The following NPC2 variants were observed in gnomAD, a reference collection of about 807,000 sequenced individuals.
The protein encoded by NPC2 is Niemann-Pick disease type C2 protein.
A neutral mutation model predicts 17.0 loss-of-function variants in NPC2; 14 were observed. That is an observed-to-expected ratio of 0.82 (90% confidence interval 0.54 to 1.29). NPC2 has a LOEUF of 1.29. Ranked by LOEUF, NPC2 falls within the 50% of genes most tolerant of loss-of-function variation. The pLI, the probability that NPC2 is intolerant of heterozygous loss-of-function variation, is 0.00. For missense variants in NPC2, 167 were observed against 183.4 expected (o/e 0.91, Z 0.52); for synonymous variants, 75 against 69.3 (o/e 1.08, Z -0.41).
rs1415314017 is a variant in NPC2, at chr14:74,493,104, G to A, written c.82+89C>T. Reference sequence around the variant, plus strand: ...CTCAGCCTGGCCGCCCGAGGGATCCGCCCAGCCCAGCCCCAGGGGTCTCAG... The same window carrying A: ...CTCAGCCTGGCCGCCCGAGGGATCCACCCAGCCCAGCCCCAGGGGTCTCAG... On this transcript the variant is annotated intron_variant, in intron 1 of 4. Coordinates refer to ENST00000555619, the MANE Select transcript of NPC2 (RefSeq NM_006432.5). This position sits in a 1 kb window ranked among gnomAD's most constrained non-coding sequence, Gnocchi z 4.1. The A allele has an allele frequency of 2.0e-6, 3 of 1,497,688 alleles. No homozygotes were observed. Among genetic ancestry groups the A allele is most frequent in the East Asian group, 2.5e-5 (1 of 40,656 alleles). 92.8% of individuals were successfully genotyped at this position (1,497,688 alleles called of 1,614,324 possible).
intron 1 of NPC2, among the ~76,000 whole-genome samples, chr14:74,492,816 AG>A (rs1166073319): frequency 6.6e-6 from 1 of 152,228 alleles, no homozygotes; most frequent in Non-Finnish European, 1.5e-5. Context: ...AGGAGTTGGA[AG>A]GGGGAGGCGG....
intron 2 of NPC2, 141 bp from the exon 3 acceptor site, chr14:74,484,728 C>A (rs1364907656): frequency 4.0e-5 from 13 of 323,972 alleles, no homozygotes; most frequent in East Asian, 2.4e-4. Flanking sequence ...TAGCACAGTG[C>A]AAGCATTCAC....
At chr14:74,480,497 C>CTTTT (rs373421076) in intron 4 of NPC2, 38 of 696,176 alleles carry the variant, frequency 5.5e-5, no homozygotes, top group Non-Finnish European at 2.6e-6. Flanking sequence ...TTCCTTCAAC[C>CTTTT]TTTTTTTTTT....
chr14:74,479,979 G>C lies in NPC2; in HGVS notation c.*295C>G, dbSNP rs113587712. On this transcript the variant is annotated 3_prime_UTR_variant, in exon 5 of 5. Transcript: ENST00000555619. ...CAAACGAGTTTTTATTTATTCAAGA[G>C]TAAATTTCCAGGTGTAGAAAGAGGC... 0.011 allele frequency: 15,581 copies of C among 1,363,896 alleles called. 107 individuals carry two copies. The highest frequency in any genetic ancestry group is 0.013 in the Non-Finnish European group (14,161 of 1,056,212). The allele number at this position is 1,363,896 out of a possible 1,614,324, so 84.5% of individuals were successfully genotyped here.
At chr14:74,493,387 T>C, upstream of NPC2, 1 of 1,547,430 alleles carries the variant, frequency 6.5e-7, no homozygotes, top group Middle Eastern at 2.1e-4. The surrounding 1 kb of genome is among the most constrained non-coding windows in gnomAD (Gnocchi z 4.1). Flanking sequence ...CTGTCACCAG[T>C]AACCACAGCT....
chr14:74,491,570 C>T (rs1261817291), intron 1 of NPC2, among the ~76,000 whole-genome samples: 1 of 152,192 alleles, frequency 6.6e-6, no homozygotes, highest in African/African-American at 2.4e-5. Context: ...TTGCTTTTGT[C>T]TCAACATGAA....
intron 1 of NPC2, among the ~76,000 whole-genome samples, chr14:74,486,735 G>T (rs2086716506): frequency 6.6e-6 from 1 of 152,126 alleles, no homozygotes; most frequent in African/African-American, 2.4e-5. Context: ...ATCCATAAAT[G>T]ATCATATTAA....
intron 1 of NPC2, among the ~76,000 whole-genome samples, chr14:74,489,562 G>A (rs1252562976): frequency 3.3e-5 from 5 of 152,058 alleles, no homozygotes; most frequent in African/African-American, 1.2e-4. Context: ...GTCTGTGTGT[G>A]TATGTATGTA....
At chr14:74,488,498 G>A (rs2086737092) in intron 1 of NPC2, among the ~76,000 whole-genome samples, 1 of 152,208 alleles carries the variant, frequency 6.6e-6, no homozygotes, top group African/African-American at 2.4e-5. Flanking sequence ...GGTGGATCAA[G>A]AGGTTAAGAG....
chr14:74,483,563 T>C (rs2086677041), intron 3 of NPC2: 1 of 1,379,984 alleles, frequency 7.2e-7, no homozygotes, highest in Admixed American at 2.7e-5. Context: ...AACTATTGCC[T>C]AATTGGAAAG....
At chr14:74,487,786 T>G (rs186571934) in intron 1 of NPC2, among the ~76,000 whole-genome samples, 47 of 152,352 alleles carry the variant, frequency 3.1e-4, no homozygotes, top group Non-Finnish European at 1.8e-4. Context: ...AGTTCCTGAA[T>G]CATTCATTTT....
At position 74,484,545 on chromosome 14, in the gene NPC2, A is replaced by G. The variant is rs747302449; in HGVS notation, c.233T>C (p.Leu78Pro). The change falls in exon 3 of 5, where the codon CTG (leucine) becomes CCG (proline). Residue 78 changes from leucine to proline, a missense_variant. Leu to Pro is a moderately conservative substitution (Grantham distance 98). Transcript: ENST00000555619. ...KSSKAVVHGI[L>P]MGVPVPFPIP... ...GGGAAAGGGAACTGGGACGCCCATCAGGATGCCATGCACCACGGCCTTGCT... is the reference window on the plus strand; with the variant it reads ...GGGAAAGGGAACTGGGACGCCCATCGGGATGCCATGCACCACGGCCTTGCT... The G allele has an allele frequency of 6.2e-7, 1 of 1,614,200 alleles. No homozygotes were observed. The highest frequency in any genetic ancestry group is 1.1e-5 in the South Asian group (1 of 91,086).
upstream of NPC2, chr14:74,493,368 T>G: frequency 6.4e-7 from 1 of 1,553,180 alleles, no homozygotes; most frequent in Non-Finnish European, 8.7e-7. This position sits in a 1 kb window ranked among gnomAD's most constrained non-coding sequence, Gnocchi z 4.1. Flanking sequence ...AGGAGCCCAG[T>G]CAGGCGACCT....
At chr14:74,490,529 G>A (rs540079978) in intron 1 of NPC2, among the ~76,000 whole-genome samples, 1 of 152,320 alleles carries the variant, frequency 6.6e-6, no homozygotes, top group East Asian at 1.9e-4. Context: ...GGCTTTCAAT[G>A]TCCAGCTTCC....
intron 3 of NPC2, chr14:74,483,251 A>G: frequency 9.9e-7 from 1 of 1,015,012 alleles, no homozygotes; most frequent in Admixed American, 1.9e-5. Flanking sequence ...GAGGGAACAG[A>G]TTTTACTGGT....
At chr14:74,489,272 G>T (rs538488099) in intron 1 of NPC2, among the ~76,000 whole-genome samples, 1 of 152,252 alleles carries the variant, frequency 6.6e-6, no homozygotes, top group South Asian at 2.1e-4. Flanking sequence ...ATAGCTGCTG[G>T]GAATGATACA....
rs545435433 is a variant in NPC2, at chr14:74,482,882, TGGGAGGA to T, written c.363+1526_363+1532del. ...GCAGAGCCGAAGCAGGAGCCGCAGC[TGGGAGGA>T]GGGAGGAGGGAGGAGGGAGGAGGGA... is the stretch of plus-strand genomic sequence containing the variant. On this transcript the variant is annotated intron_variant, in intron 3 of 4. Transcript: ENST00000555619. 2,102 of 422,570 alleles carry T rather than the reference TGGGAGGA, an allele frequency of 5.0e-3. 44 individuals carry two copies. The highest frequency in any genetic ancestry group is 0.034 in the South Asian group (1,462 of 43,238). The allele number at this position is 422,570 out of a possible 1,614,324, so 26.2% of individuals were successfully genotyped here.
Position 74,485,702 on chromosome 14 carries a change from T to C in NPC2, c.190+627A>G, listed in dbSNP as rs188900785. On this transcript the variant is annotated intron_variant, in intron 2 of 4. Coordinates refer to ENST00000555619, the MANE Select transcript of NPC2 (RefSeq NM_006432.5). The stretch of plus-strand genomic sequence containing the variant: ...AAATGAGGAAAAGATTCAAGGAACA[T>C]GCCCTGCTTAGTAATAAAAGATTTT... 8.5e-5 allele frequency among the ~76,000 whole-genome samples: 13 copies of C among 152,332 alleles called. No individual in the cohort carries two copies. The East Asian group carries it at 1.3e-3, about 16-fold the overall frequency.
intron 3 of NPC2, chr14:74,483,322 G>A: frequency 7.8e-7 from 1 of 1,277,178 alleles, no homozygotes; most frequent in Non-Finnish European, 1.1e-6. Context: ...TGGAAGATGA[G>A]TGAGTAGTTG....
Sources: gnomAD v4.1 joint callset for allele counts (sites outside exome capture counted in the v4.1 genomes callset) on GRCh38, gnomAD v4.1.1 for gene constraint, Gnocchi (gnomAD v3.1) non-coding constraint, MANE v1.5 for transcripts, NCBI Gene and HGNC (gene_info 2026-07-23, HGNC 2026-07-21) for gene names.